Variants in MACROD2 observed in about 807,000 individuals in gnomAD.
The protein encoded by MACROD2 is mono-ADP ribosylhydrolase 2.
A neutral mutation model predicts 70.4 loss-of-function variants in MACROD2; 36 were observed. The observed-to-expected ratio is 0.51, with a 90% CI of 0.39 to 0.68. The LOEUF is 0.68. Ranked by LOEUF, MACROD2 falls within the 30% of genes least tolerant of loss-of-function variation. The pLI, the probability that MACROD2 is intolerant of heterozygous loss-of-function variation, is 0.00. For missense variants in MACROD2, 496 were observed against 538.4 expected, an observed-to-expected ratio of 0.92 and a Z score of 0.78; for synonymous variants, 172 against 178.8, an observed-to-expected ratio of 0.96 and a Z score of 0.30.
At chr20:14,766,288 C>T (rs925311720) in intron 5 of MACROD2, among the ~76,000 whole-genome samples, 1 of 151,994 alleles carries the variant, frequency 6.6e-6, no homozygotes, top group Non-Finnish European at 1.5e-5. Flanking sequence ...GAATGGCACC[C>T]CTAAGTTATT....
At chr20:15,117,608 G>A (rs1428925812) in intron 5 of MACROD2, among the ~76,000 whole-genome samples, 6 of 152,140 alleles carry the variant, frequency 3.9e-5, no homozygotes, top group Admixed American at 3.3e-4. Context: ...GTAGAGATTT[G>A]ATTGAGTCTT....
At chr20:14,448,378 G>C (rs533619413) in intron 3 of MACROD2, among the ~76,000 whole-genome samples, 1 of 151,980 alleles carries the variant, frequency 6.6e-6, no homozygotes, top group East Asian at 1.9e-4. Flanking sequence ...CTAGTGAATG[G>C]ATTTTTTAAA....
chr20:14,742,912 G>A (rs371967375), intron 5 of MACROD2, among the ~76,000 whole-genome samples: 2 of 150,264 alleles, frequency 1.3e-5, no homozygotes, highest in African/African-American at 4.9e-5. Flanking sequence ...GTCTACAGGC[G>A]CCCGCCACTA....
chr20:14,909,865 T>G (rs2074005314), intron 5 of MACROD2, among the ~76,000 whole-genome samples: 1 of 152,184 alleles, frequency 6.6e-6, no homozygotes, highest in Non-Finnish European at 1.5e-5. Flanking sequence ...TGTGGTCACT[T>G]TAGAACGTTC....
At chr20:14,702,101 T>A (rs1274274700) in intron 5 of MACROD2, among the ~76,000 whole-genome samples, 1 of 152,154 alleles carries the variant, frequency 6.6e-6, no homozygotes, top group Non-Finnish European at 1.5e-5. Context: ...TATGTTTCTT[T>A]TGAATTTCTT....
At chr20:14,212,990 C>T (rs2081583019) in intron 3 of MACROD2, among the ~76,000 whole-genome samples, 1 of 151,754 alleles carries the variant, frequency 6.6e-6, no homozygotes, top group Non-Finnish European at 1.5e-5. Flanking sequence ...CAGTATACAT[C>T]ACGCAACAAC....
intron 4 of MACROD2, among the ~76,000 whole-genome samples, chr20:14,644,536 TGTAGATTATTAA>T (rs1301468443): frequency 6.6e-6 from 1 of 152,218 alleles, no homozygotes; most frequent in Non-Finnish European, 1.5e-5. Context: ...CTCACCCCAG[TGTAGATTATTAA>T]GTCCATATCA....
At chr20:14,982,459 C>G (rs1017876645) in intron 5 of MACROD2, among the ~76,000 whole-genome samples, 1 of 152,102 alleles carries the variant, frequency 6.6e-6, no homozygotes, top group Admixed American at 6.5e-5. Context: ...CAGTCCCTCC[C>G]ATCACAGGCC....
intron 5 of MACROD2, among the ~76,000 whole-genome samples, chr20:15,003,752 G>GCTATAC (rs2075014159): frequency 6.6e-6 from 1 of 152,178 alleles, no homozygotes; most frequent in South Asian, 2.1e-4. Context: ...CTGGAGAGAG[G>GCTATAC]AGGGAAGCCT....
At chr20:14,705,713 T>G (rs1375849162) in intron 5 of MACROD2, among the ~76,000 whole-genome samples, 5 of 152,228 alleles carry the variant, frequency 3.3e-5, no homozygotes, top group African/African-American at 9.6e-5. Context: ...AATTTCTTAT[T>G]TTTTTCTAAT....
chr20:14,165,623 A>G (rs1287375496), intron 3 of MACROD2, among the ~76,000 whole-genome samples: 1 of 152,226 alleles, frequency 6.6e-6, no homozygotes, highest in African/African-American at 2.4e-5. Flanking sequence ...GAAATAATGG[A>G]GATACTTATA....
intron 3 of MACROD2, among the ~76,000 whole-genome samples, chr20:14,467,315 G>C (rs2084466701): frequency 6.6e-6 from 1 of 152,108 alleles, no homozygotes; most frequent in Admixed American, 6.5e-5. Context: ...GAGGTTCCGT[G>C]GGCGTAGGAC....
intron 3 of MACROD2, among the ~76,000 whole-genome samples, chr20:14,200,965 G>A (rs375419740): frequency 6.3e-5 from 9 of 143,004 alleles, no homozygotes; most frequent in African/African-American, 2.1e-4. Flanking sequence ...TTTTTTTAGC[G>A]ATTTGTCTTT....
chr20:15,051,705 C>T (rs2123054407), intron 5 of MACROD2, among the ~76,000 whole-genome samples: 1 of 151,140 alleles, frequency 6.6e-6, no homozygotes, highest in Non-Finnish European at 1.5e-5. Flanking sequence ...TAACTGAGTA[C>T]TAAAGTCTTG....
intron 8 of MACROD2, among the ~76,000 whole-genome samples, chr20:15,503,778 G>A (rs1205084776): frequency 1.3e-5 from 2 of 152,160 alleles, no homozygotes; most frequent in East Asian, 3.9e-4. Flanking sequence ...CCTGCTTGAG[G>A]CAAGGCCTGG....
At chr20:16,005,591 A>C (rs1568702575) in intron 15 of MACROD2, among the ~76,000 whole-genome samples, 2 of 152,200 alleles carry the variant, frequency 1.3e-5, no homozygotes, top group Non-Finnish European at 2.9e-5. Context: ...ACCTAATTCC[A>C]ACTTAGGAGC....
intron 5 of MACROD2, among the ~76,000 whole-genome samples, chr20:15,105,389 G>C (rs2075903270): frequency 1.3e-5 from 2 of 152,098 alleles, no homozygotes. Flanking sequence ...AATAACCTCT[G>C]TGAAAAGGGG....
chr20:14,828,079 A>G (rs2072922868), intron 5 of MACROD2, among the ~76,000 whole-genome samples: 1 of 152,108 alleles, frequency 6.6e-6, no homozygotes, highest in South Asian at 2.1e-4. Flanking sequence ...ATATATACCA[A>G]TTAAAGGTAA....
At chr20:14,032,709 A>G (rs965817774) in intron 2 of MACROD2, among the ~76,000 whole-genome samples, 1 of 152,170 alleles carries the variant, frequency 6.6e-6, no homozygotes, top group African/African-American at 2.4e-5. Flanking sequence ...TGGAACCACT[A>G]TAGTGATTGA....
Sources: gnomAD v4.1 joint callset for allele counts (sites outside exome capture counted in the v4.1 genomes callset) on GRCh38, gnomAD v4.1.1 for gene constraint, MANE v1.5 for transcripts, NCBI Gene and HGNC (gene_info 2026-07-23, HGNC 2026-07-21) for gene names.